LRRTM4: variants seen among roughly 807,000 people sequenced by gnomAD.
The protein encoded by LRRTM4 is leucine rich repeat transmembrane neuronal 4.
In LRRTM4, 25 loss-of-function variants were observed where a neutral mutation model predicts 47.6. That is an observed-to-expected ratio of 0.53 (90% CI 0.38 to 0.73). The LOEUF (loss-of-function observed/expected upper bound fraction) is 0.73. Among genes scored for constraint, LRRTM4 ranks in the 30% least tolerant of loss-of-function variants. The pLI is 0.00. For missense variants in LRRTM4, 638 were observed against 713.4 expected, an observed-to-expected ratio of 0.89 and a Z score of 1.20; for synonymous variants, 311 against 269.5, an observed-to-expected ratio of 1.15 and a Z score of -1.51.
At chr2:77,030,637 TAAC>T (rs1159265473) in intron 3 of LRRTM4, among the ~76,000 whole-genome samples, 4 of 152,058 alleles carry the variant, frequency 2.6e-5, no homozygotes, top group East Asian at 1.9e-4. Context: ...AAACTAAGGA[TAAC>T]AACCAAAAAG....
At chr2:76,915,601 T>G (rs1404481627) in intron 3 of LRRTM4, among the ~76,000 whole-genome samples, 3 of 152,194 alleles carry the variant, frequency 2.0e-5, no homozygotes, top group Non-Finnish European at 4.4e-5. Context: ...TTTTTTATTA[T>G]TCTTTTACCA....
chr2:77,255,811 A>G (rs1427945256), intron 3 of LRRTM4, among the ~76,000 whole-genome samples: 1 of 152,108 alleles, frequency 6.6e-6, no homozygotes, highest in Non-Finnish European at 1.5e-5. Flanking sequence ...AATTTATAGC[A>G]TTAACCAAAA....
intron 3 of LRRTM4, among the ~76,000 whole-genome samples, chr2:76,985,539 G>A (rs188603217): frequency 2.6e-5 from 4 of 151,906 alleles, no homozygotes; most frequent in Admixed American, 6.6e-5. Flanking sequence ...ACCCAGAGCC[G>A]GGTGAAAGAT....
chr2:77,104,998 C>A (rs2103919640), intron 3 of LRRTM4, among the ~76,000 whole-genome samples: 1 of 152,018 alleles, frequency 6.6e-6, no homozygotes, highest in East Asian at 1.9e-4. Context: ...CTCTGACCTA[C>A]CCTACCCCAA....
intron 3 of LRRTM4, among the ~76,000 whole-genome samples, chr2:77,165,374 A>G (rs972504976): frequency 2.0e-5 from 3 of 152,170 alleles, no homozygotes; most frequent in African/African-American, 7.2e-5. Context: ...GCCAAATTCT[A>G]CCAGAGGTAC....
intron 3 of LRRTM4, among the ~76,000 whole-genome samples, chr2:77,458,390 G>A (rs1368459119): frequency 6.6e-6 from 1 of 152,034 alleles, no homozygotes; most frequent in Non-Finnish European, 1.5e-5. Context: ...TGGGTCAGTG[G>A]CACTCTTTAG....
chr2:77,214,137 A>G (rs1232853324), intron 3 of LRRTM4, among the ~76,000 whole-genome samples: 1 of 152,168 alleles, frequency 6.6e-6, no homozygotes, highest in Non-Finnish European at 1.5e-5. Flanking sequence ...CCTTTACTTG[A>G]GAGTACATGA....
chr2:77,461,925 T>C (rs1357924832), intron 3 of LRRTM4, among the ~76,000 whole-genome samples: 1 of 152,142 alleles, frequency 6.6e-6, no homozygotes. Context: ...TTGCTCTTTC[T>C]GTATGTATTA....
chr2:77,175,945 C>G (rs1161942856), intron 3 of LRRTM4, among the ~76,000 whole-genome samples: 8 of 151,658 alleles, frequency 5.3e-5, no homozygotes, highest in Non-Finnish European at 1.2e-4. Context: ...AGGCATGAGC[C>G]ACTGCGCCCG....
intron 3 of LRRTM4, among the ~76,000 whole-genome samples, chr2:76,807,440 A>T: frequency 1.3e-5 from 1 of 74,600 alleles, no homozygotes; most frequent in African/African-American, 1.0e-4. Flanking sequence ...ATATATACGT[A>T]TATACATATA....
At chr2:77,129,858 T>C (rs1671748613) in intron 3 of LRRTM4, among the ~76,000 whole-genome samples, 1 of 152,204 alleles carries the variant, frequency 6.6e-6, no homozygotes, top group Non-Finnish European at 1.5e-5. Context: ...TTTGGGAGTA[T>C]AGCACATAAC....
At chr2:77,103,313 A>G (rs900077347) in intron 3 of LRRTM4, among the ~76,000 whole-genome samples, 1 of 152,196 alleles carries the variant, frequency 6.6e-6, no homozygotes, top group African/African-American at 2.4e-5. Flanking sequence ...GATACAACAG[A>G]TATGAGAGAC....
intron 3 of LRRTM4, among the ~76,000 whole-genome samples, chr2:76,833,639 T>C (rs993627057): frequency 1.3e-5 from 2 of 151,940 alleles, no homozygotes; most frequent in African/African-American, 2.4e-5. Flanking sequence ...AATAAATACA[T>C]ATTTGTAAAA....
intron 3 of LRRTM4, among the ~76,000 whole-genome samples, chr2:76,830,266 A>T (rs1462939914): frequency 6.6e-6 from 1 of 152,024 alleles, no homozygotes; most frequent in Non-Finnish European, 1.5e-5. Flanking sequence ...AAACTATAAA[A>T]TCTTATCTTT....
chr2:76,765,015 G>C lies in LRRTM4; in HGVS notation c.1552-16099C>G, dbSNP rs370839532. On this transcript the variant is annotated intron_variant, in intron 3 of 3. Transcript: ENST00000409884. ...TCATGGATGTGGAGTCACCACCCAA[G>C]TTGGTCCAGAAAATGGACCACCACC... is the stretch of plus-strand genomic sequence containing the variant. 4.6e-5 allele frequency among the ~76,000 whole-genome samples: 7 copies of C among 152,300 alleles called. No individual in the cohort carries two copies. The East Asian group carries it at 1.2e-3, about 25-fold the overall frequency.
intron 3 of LRRTM4, among the ~76,000 whole-genome samples, chr2:77,209,927 A>G (rs1674245133): frequency 2.6e-5 from 4 of 152,174 alleles, no homozygotes; most frequent in Admixed American, 2.6e-4. Flanking sequence ...GCTTTTTCAA[A>G]GAGTAACTCT....
At position 77,294,062 on chromosome 2, in the gene LRRTM4, T is replaced by G. The variant is rs78729946; in HGVS notation, c.1551+224256A>C. Among the ~76,000 whole-genome samples the G allele has an allele frequency of 1.6e-3, 243 of 152,308 alleles. 1 individual carries two copies. The highest frequency in any genetic ancestry group is 5.5e-3 in the African/African-American group (228 of 41,578). ...TGTATACCACATAGATGCATGTGTG[T>G]ATGCATATATGCATGTGTGTACATC... On this transcript the variant is annotated intron_variant, in intron 3 of 3. Transcript: ENST00000409884.
At chr2:77,501,457 C>T (rs578068445) in intron 3 of LRRTM4, among the ~76,000 whole-genome samples, 6 of 150,128 alleles carry the variant, frequency 4.0e-5, no homozygotes, top group African/African-American at 7.3e-5. Context: ...AATTAAATGA[C>T]GTGAAATTGG....
At position 77,516,566 on chromosome 2, in the gene LRRTM4, G is replaced by T. The variant is rs1679213893; in HGVS notation, c.1551+1752C>A. 3.1e-6 allele frequency: 3 copies of T among 959,478 alleles called. No homozygotes were observed. The South Asian group carries it at 1.4e-4, about 46-fold the overall frequency. The allele number at this position is 959,478 out of a possible 1,614,324, so 59.4% of individuals were successfully genotyped here. On this transcript the variant is annotated intron_variant, in intron 3 of 3. Transcript: ENST00000409884. ...CCTTTAAGAGGATCACAAAATATAA[G>T]GAGAACCCAGAATAAAATAGGATGA...
Sources: allele counts gnomAD v4.1 joint callset (sites outside exome capture counted in the v4.1 genomes callset), GRCh38; gene constraint gnomAD v4.1.1; transcripts MANE v1.5; gene names NCBI Gene and HGNC (gene_info 2026-07-23, HGNC 2026-07-21).